CTNNA3: variants seen among roughly 807,000 people sequenced by gnomAD.
CTNNA3 encodes catenin alpha-3.
In CTNNA3, 76 loss-of-function variants were observed where a neutral mutation model predicts 95.7. That is an observed-to-expected ratio of 0.79 (90% CI 0.66 to 0.96). The LOEUF (loss-of-function observed/expected upper bound fraction) is 0.96, where lower values mean the gene tolerates loss of function less well. Ranked by LOEUF, CTNNA3 falls within the 40% of genes least tolerant of loss-of-function variation. The probability of loss-of-function intolerance (pLI) is 0.00; values close to 1 mark genes in which losing one functional copy is unlikely to be tolerated. For synonymous variants in CTNNA3, 431 were observed against 374.4 expected (o/e 1.15, Z -1.74); for missense variants, 1,191 against 1,089.8 (o/e 1.09, Z -1.31).
intron 10 of CTNNA3, among the ~76,000 whole-genome samples, chr10:66,598,910 A>C (rs1843818509): frequency 6.6e-6 from 1 of 151,970 alleles, no homozygotes; most frequent in African/African-American, 2.4e-5. Context: ...AGTCATATGG[A>C]ACCACAAAAT....
At chr10:67,756,165 G>T (rs913373551) in intron 1 of CTNNA3, among the ~76,000 whole-genome samples, 1 of 152,078 alleles carries the variant, frequency 6.6e-6, no homozygotes, top group Non-Finnish European at 1.5e-5. Context: ...CAGGTAGGGT[G>T]GGGGGAACAG....
At chr10:66,848,161 T>G (rs1490702314) in intron 7 of CTNNA3, among the ~76,000 whole-genome samples, 1 of 152,138 alleles carries the variant, frequency 6.6e-6, no homozygotes, top group Non-Finnish European at 1.5e-5. Flanking sequence ...AGTTTAGACT[T>G]AGGTGAATGA....
intron 9 of CTNNA3, among the ~76,000 whole-genome samples, chr10:66,679,025 G>C (rs974550285): frequency 1.3e-5 from 2 of 152,162 alleles, no homozygotes; most frequent in African/African-American, 2.4e-5. Flanking sequence ...TCATTAAAAG[G>C]TTTTAAGTAA....
intron 5 of CTNNA3, among the ~76,000 whole-genome samples, chr10:67,403,902 A>C (rs1220979134): frequency 6.6e-6 from 1 of 152,162 alleles, no homozygotes; most frequent in Non-Finnish European, 1.5e-5. Flanking sequence ...CACCGGTAAT[A>C]CCTACAGGTA....
At chr10:67,604,265 C>T (rs1843184130) in intron 3 of CTNNA3, among the ~76,000 whole-genome samples, 2 of 152,092 alleles carry the variant, frequency 1.3e-5, no homozygotes, top group Non-Finnish European at 1.5e-5. Context: ...CATAAAGCAA[C>T]ACGGAACATT....
chr10:67,092,520 T>C (rs959070753), intron 7 of CTNNA3, among the ~76,000 whole-genome samples: 2 of 151,922 alleles, frequency 1.3e-5, no homozygotes, highest in Non-Finnish European at 2.9e-5. Flanking sequence ...TTATGAGAAA[T>C]TCATATGAAT....
chr10:67,012,362 CTCTA>C (rs1343976958), intron 7 of CTNNA3: 1 of 152,146 alleles, frequency 6.6e-6, no homozygotes, highest in African/African-American at 2.4e-5. Flanking sequence ...GGTCAGTCCT[CTCTA>C]TAGTATCTTC....
rs527534544 is a variant in CTNNA3 at position 65,978,400 on chromosome 10, A to C, written c.2265+10292T>G. 2.0e-5 allele frequency among the ~76,000 whole-genome samples: 3 copies of C among 151,074 alleles called. No individual in the cohort carries two copies. In the South Asian group the frequency reaches 6.3e-4, roughly 32 times the overall value. On this transcript the variant is annotated intron_variant, in intron 16 of 17. Transcript: ENST00000433211. The stretch of plus-strand genomic sequence containing the variant: ...TCCTCTTAGATTTTCTCCTAGTTTT[A>C]CACCAGCCTTCCCAGACTGTATTGT...
intron 11 of CTNNA3, among the ~76,000 whole-genome samples, chr10:66,515,766 A>G (rs1259162055): frequency 6.6e-6 from 1 of 151,992 alleles, no homozygotes; most frequent in Non-Finnish European, 1.5e-5. Context: ...AAACCATCAG[A>G]TCTCGTGAGA....
intron 5 of CTNNA3, among the ~76,000 whole-genome samples, chr10:67,445,835 T>C (rs1056708354): frequency 3.9e-5 from 6 of 152,212 alleles, no homozygotes; most frequent in Admixed American, 1.3e-4. Flanking sequence ...ACAGCCATCA[T>C]AGAATTTATC....
intron 9 of CTNNA3, among the ~76,000 whole-genome samples, chr10:66,639,935 C>T (rs1337203899): frequency 1.3e-5 from 2 of 152,076 alleles, no homozygotes; most frequent in African/African-American, 4.8e-5. Context: ...TTCTCTTCTA[C>T]AATTATACTA....
intron 5 of CTNNA3, among the ~76,000 whole-genome samples, chr10:67,336,123 T>A (rs144997691): frequency 6.9e-4 from 105 of 152,320 alleles, no homozygotes; most frequent in African/African-American, 2.4e-3. Flanking sequence ...AATTACTCAA[T>A]GTTTTATGTG....
chr10:66,846,139 A>G (rs1470549590), intron 7 of CTNNA3, among the ~76,000 whole-genome samples: 1 of 151,170 alleles, frequency 6.6e-6, no homozygotes, highest in East Asian at 1.9e-4. Context: ...CTCAAAAAAA[A>G]GGGAAATCCT....
At chr10:66,777,434 G>C (rs1371436004) in intron 7 of CTNNA3, among the ~76,000 whole-genome samples, 1 of 151,706 alleles carries the variant, frequency 6.6e-6, no homozygotes, top group Non-Finnish European at 1.5e-5. Context: ...GATTTGGTTA[G>C]GTTATTTCTA....
Position 66,829,168 on chromosome 10 carries a change from T to C in CTNNA3, c.1048-53644A>G, listed in dbSNP as rs949648944. Reference sequence around the variant, plus strand: ...TACAACACCTTGTAAACTCCCTTTATGGAAAGCAAGTTCTAAGGGCTGTTA... The same window carrying C: ...TACAACACCTTGTAAACTCCCTTTACGGAAAGCAAGTTCTAAGGGCTGTTA... On this transcript the variant is annotated intron_variant, in intron 7 of 17. Coordinates refer to ENST00000433211, the MANE Select transcript of CTNNA3 (RefSeq NM_013266.4). 3.9e-5 allele frequency among the ~76,000 whole-genome samples: 6 copies of C among 152,214 alleles called. No homozygotes were observed. In the East Asian group the frequency reaches 5.8e-4, roughly 15 times the overall value.
intron 2 of CTNNA3, among the ~76,000 whole-genome samples, chr10:67,624,521 T>C (rs1843961884): frequency 6.6e-6 from 1 of 152,214 alleles, no homozygotes; most frequent in South Asian, 2.1e-4. Flanking sequence ...TCTCCTACTA[T>C]TCCCCTGTGT....
chr10:66,452,333 G>A (rs2093469967), intron 11 of CTNNA3, among the ~76,000 whole-genome samples: 1 of 152,106 alleles, frequency 6.6e-6, no homozygotes, highest in African/African-American at 2.4e-5. Flanking sequence ...GACCCCAAGA[G>A]GGTGGGATGA....
intron 7 of CTNNA3, among the ~76,000 whole-genome samples, chr10:67,120,785 C>T (rs527600053): frequency 1.8e-4 from 27 of 152,024 alleles, no homozygotes; most frequent in African/African-American, 6.3e-4. Context: ...AAAAGTTATC[C>T]TGTTTTGTAA....
At chr10:66,669,063 T>G (rs1320896900) in intron 9 of CTNNA3, among the ~76,000 whole-genome samples, 1 of 152,144 alleles carries the variant, frequency 6.6e-6, no homozygotes, top group African/African-American at 2.4e-5. Flanking sequence ...ATAATTCAAT[T>G]ACTTGAAATA....
Sources: gnomAD v4.1 joint callset for allele counts (sites outside exome capture counted in the v4.1 genomes callset) on GRCh38, gnomAD v4.1.1 for gene constraint, MANE v1.5 for transcripts, NCBI Gene and HGNC (gene_info 2026-07-23, HGNC 2026-07-21) for gene names.